Variants in HDAC9 observed in about 807,000 individuals in gnomAD.
HDAC9 encodes histone deacetylase 9, also known as MEF-2 interacting transcription repressor (MITR) protein.
Under a neutral mutation model 139.4 loss-of-function variants are expected in HDAC9, and 41 were observed. The ratio of observed to expected loss-of-function variants is 0.29; its 90% CI spans 0.23 to 0.38. The LOEUF (loss-of-function observed/expected upper bound fraction) is 0.38. HDAC9 is among the 10% of genes least tolerant of loss of function. HDAC9 has a pLI of 1.00. For missense variants in HDAC9, 1,147 were observed against 1,297.0 expected (o/e 0.88, Z 1.78); for synonymous variants, 517 against 476.2 (o/e 1.09, Z -1.12).
At chr7:18,850,080 G>A (rs1226001093) in intron 21 of HDAC9, among the ~76,000 whole-genome samples, 39 of 91,340 alleles carry the variant, frequency 4.3e-4, no homozygotes, top group African/African-American at 1.4e-3. Context: ...AAAAGCCTGA[G>A]TAAAAAAAAA....
intron 2 of HDAC9, among the ~76,000 whole-genome samples, chr7:18,546,524 C>G (rs867396592): frequency 1.6e-4 from 24 of 152,282 alleles, no homozygotes; most frequent in African/African-American, 5.3e-4. Flanking sequence ...TTCAACCTGA[C>G]CTATCCTGAC....
At chr7:18,639,906 C>T (rs558315946) in intron 8 of HDAC9, among the ~76,000 whole-genome samples, 6 of 152,070 alleles carry the variant, frequency 3.9e-5, no homozygotes, top group African/African-American at 1.4e-4. Context: ...CCCAGGGTTA[C>T]AAGCTATGAG....
At chr7:18,523,782 A>G (rs1295806119) in intron 2 of HDAC9, among the ~76,000 whole-genome samples, 2 of 152,116 alleles carry the variant, frequency 1.3e-5, no homozygotes, top group Admixed American at 1.3e-4. Flanking sequence ...TAGTTAGAGT[A>G]GGTAATTTTT....
chr7:18,168,831 A>C (rs1178353), intron 2 of HDAC9, among the ~76,000 whole-genome samples: 3,050 of 149,876 alleles, frequency 0.02, 109 homozygotes, highest in African/African-American at 0.072. Context: ...AATTGTGTTA[A>C]ATAAAATTGT....
intron 5 of HDAC9, among the ~76,000 whole-genome samples, chr7:18,592,135 TGAA>T (rs1423056869): frequency 2.0e-5 from 3 of 151,698 alleles, no homozygotes; most frequent in Non-Finnish European, 4.4e-5. Context: ...TTGTCTCAAA[TGAA>T]GAAAAAAGGA....
At chr7:18,298,399 T>C (rs1267802744) in intron 1 of HDAC9, among the ~76,000 whole-genome samples, 1 of 152,100 alleles carries the variant, frequency 6.6e-6, no homozygotes, top group African/African-American at 2.4e-5. Flanking sequence ...ACTCGTCATC[T>C]AGCATTAGGT....
chr7:18,710,560 G>A (rs1012860494), intron 12 of HDAC9, among the ~76,000 whole-genome samples: 6 of 151,760 alleles, frequency 4.0e-5, no homozygotes, highest in Non-Finnish European at 7.4e-5. Context: ...AAAATTTCAC[G>A]CATAATCAAA....
chr7:18,259,451 C>T (rs1253081179), intron 2 of HDAC9, among the ~76,000 whole-genome samples: 2 of 152,224 alleles, frequency 1.3e-5, no homozygotes, highest in Non-Finnish European at 2.9e-5. Context: ...CAACCTCTGC[C>T]TCCCAGGCTC....
upstream of HDAC9, among the ~76,000 whole-genome samples, chr7:18,288,347 C>T (rs571850304): frequency 5.3e-5 from 8 of 152,248 alleles, no homozygotes; most frequent in African/African-American, 1.9e-4. Flanking sequence ...GTTATCTAGA[C>T]TTCAGTTACT....
intron 2 of HDAC9, among the ~76,000 whole-genome samples, chr7:18,228,491 T>G (rs779410144): frequency 5.3e-5 from 8 of 152,166 alleles, no homozygotes; most frequent in Non-Finnish European, 1.0e-4. Flanking sequence ...ATAGCAATAT[T>G]CTAGAGAAAA....
intron 17 of HDAC9, among the ~76,000 whole-genome samples, chr7:18,795,224 C>T (rs939043267): frequency 8.6e-6 from 1 of 116,698 alleles, no homozygotes; most frequent in Non-Finnish European, 1.6e-5. Flanking sequence ...GTTAAGGAAT[C>T]AGCAGGCATG....
chr7:18,277,602 C>A (rs918474285), intron 2 of HDAC9, among the ~76,000 whole-genome samples: 4 of 152,006 alleles, frequency 2.6e-5, no homozygotes, highest in Non-Finnish European at 5.9e-5. Context: ...TATTTTACAC[C>A]CACAACTGCA....
At chr7:18,472,373 G>C (rs1281229419) in intron 1 of HDAC9, among the ~76,000 whole-genome samples, 1 of 152,058 alleles carries the variant, frequency 6.6e-6, no homozygotes, top group African/African-American at 2.4e-5. Flanking sequence ...ATAGGATAAG[G>C]ATCCTAGAAA....
At chr7:18,840,930 G>A (rs1393570737) in intron 21 of HDAC9, among the ~76,000 whole-genome samples, 1 of 151,996 alleles carries the variant, frequency 6.6e-6, no homozygotes, top group Admixed American at 6.6e-5. Flanking sequence ...AATGTAGAAA[G>A]GGCATTTAAC....
chr7:18,333,240 A>T (rs984403927), intron 1 of HDAC9, among the ~76,000 whole-genome samples: 1 of 151,560 alleles, frequency 6.6e-6, no homozygotes, highest in Non-Finnish European at 1.5e-5. Context: ...AGTCTTTACC[A>T]TTGGATGGGG....
chr7:18,658,880 A>C (rs1238605140), intron 11 of HDAC9, among the ~76,000 whole-genome samples: 1 of 143,690 alleles, frequency 7.0e-6, no homozygotes, highest in Non-Finnish European at 1.5e-5. Context: ...TATTACATTT[A>C]TTTAAAAGAA....
At chr7:18,878,352 T>A (rs544648691) in intron 22 of HDAC9, among the ~76,000 whole-genome samples, 3 of 152,300 alleles carry the variant, frequency 2.0e-5, no homozygotes, top group African/African-American at 7.2e-5. Flanking sequence ...ATGTTTTTCC[T>A]TTGGAATTAT....
rs1315728792 is a variant in HDAC9 at position 18,874,390 on chromosome 7, C to CT, written c.2685-87dup. 3 of 683,450 alleles carry CT rather than the reference C, an allele frequency of 4.4e-6. No homozygotes were observed. In the East Asian group the frequency reaches 8.2e-5, roughly 19 times the overall value. 42.3% of individuals were successfully genotyped at this position (683,450 alleles called of 1,614,324 possible). A position where few individuals can be genotyped will look rare whatever the true frequency, so the allele number is the denominator to read the frequency against. ...CCTTTTCTTTATTCTTGGGAGGTTC[C>CT]TATTGTTGTGCCAGGTCGTTTTCAC... On this transcript the variant is annotated intron_variant, in intron 21 of 25. Coordinates refer to ENST00000686413, the MANE Select transcript of HDAC9 (RefSeq NM_178425.4).
chr7:18,374,123 TA>T (rs1784798836), intron 1 of HDAC9, among the ~76,000 whole-genome samples: 1 of 151,500 alleles, frequency 6.6e-6, no homozygotes, highest in African/African-American at 2.4e-5. Context: ...ATATATATCA[TA>T]AAAATATAGC....
Sources: allele counts gnomAD v4.1 joint callset (sites outside exome capture counted in the v4.1 genomes callset), GRCh38; gene constraint gnomAD v4.1.1; transcripts MANE v1.5; gene names NCBI Gene and HGNC (gene_info 2026-07-23, HGNC 2026-07-21).